The following UNC13C variants were observed in gnomAD, a reference collection of about 807,000 sequenced individuals.
UNC13C encodes unc-13 homolog C, also known as protein unc-13 homolog C.
A neutral mutation model predicts 245.4 loss-of-function variants in UNC13C; 174 were observed. That is an observed-to-expected ratio of 0.71 (90% CI 0.63 to 0.80). UNC13C has a LOEUF of 0.80. Among genes scored for constraint, UNC13C ranks in the 30% least tolerant of loss-of-function variants. The pLI, the probability that UNC13C is intolerant of heterozygous loss-of-function variation, is 0.00. For missense variants in UNC13C, 2,829 were observed against 2,602.9 expected, an observed-to-expected ratio of 1.09 and a Z score of -1.89; for synonymous variants, 992 against 895.1, an observed-to-expected ratio of 1.11 and a Z score of -1.93.
intron 18 of UNC13C, 34 bp downstream of exon 18, chr15:54,393,215 A>C: frequency 6.8e-7 from 1 of 1,469,646 alleles, no homozygotes. Flanking sequence ...AATGGATTTT[A>C]TTCCACTAAA....
At chr15:54,308,190 A>G (rs1316361673) in intron 13 of UNC13C, among the ~76,000 whole-genome samples, 2 of 151,888 alleles carry the variant, frequency 1.3e-5, no homozygotes. Context: ...CTGAACTGGC[A>G]TGTGAGTTAG....
chr15:53,983,780 T>C (rs1177878112), intron 1 of UNC13C, among the ~76,000 whole-genome samples: 1 of 151,988 alleles, frequency 6.6e-6, no homozygotes, highest in Non-Finnish European at 1.5e-5. Context: ...GGATTTCCAC[T>C]AACATGTCTC....
chr15:54,014,764 A>T lies in UNC13C; in HGVS notation c.1861A>T (p.Asn621Tyr), dbSNP rs1160170478. 6.2e-7 allele frequency: 1 copy of T among 1,613,768 alleles called. No homozygotes were observed. The highest frequency in any genetic ancestry group is 2.2e-5 in the East Asian group (1 of 44,888). ...TATCCAAGGGCAGACTGAAACTGAA[A>T]ACACAGAAACTGTGGATAGTGGAAT... ...QGIQGQTETE[N>Y]TETVDSGMSN... Residue 621 changes from asparagine (N) to tyrosine (Y), a missense_variant, in exon 2 of 33, where the codon AAC (asparagine) becomes TAC (tyrosine). Transcript: ENST00000260323.
At chr15:54,462,694 G>T (rs1170121500) in intron 19 of UNC13C, among the ~76,000 whole-genome samples, 1 of 152,230 alleles carries the variant, frequency 6.6e-6, no homozygotes, top group African/African-American at 2.4e-5. Context: ...CTCCCCAGGG[G>T]CAGGGCTTGG....
At chr15:54,585,638 TCTC>T (rs1029613836) in intron 30 of UNC13C, among the ~76,000 whole-genome samples, 10 of 151,938 alleles carry the variant, frequency 6.6e-5, no homozygotes, top group African/African-American at 2.2e-4. Flanking sequence ...GAAAACATAA[TCTC>T]CTCCTAACCC....
intron 4 of UNC13C, among the ~76,000 whole-genome samples, chr15:54,171,424 A>G (rs2033393851): frequency 6.6e-6 from 1 of 151,176 alleles, no homozygotes; most frequent in Admixed American, 6.6e-5. Context: ...TAATAATCCG[A>G]TTAAAAAAAT....
intron 10 of UNC13C, among the ~76,000 whole-genome samples, chr15:54,277,813 T>C (rs566831469): frequency 4.6e-5 from 7 of 152,164 alleles, no homozygotes; most frequent in South Asian, 2.1e-4. Flanking sequence ...ACCAAATGAT[T>C]TGAACCCAAT....
the UNC13C span, among the ~76,000 whole-genome samples, chr15:53,859,643 C>CAA: frequency 6.6e-6 from 1 of 151,892 alleles, no homozygotes; most frequent in African/African-American, 2.4e-5. Flanking sequence ...CACACACACA[C>CAA]ACTCATATTT....
chr15:53,899,777 G>A, the UNC13C span, among the ~76,000 whole-genome samples: 1 of 152,084 alleles, frequency 6.6e-6, no homozygotes, highest in Admixed American at 6.5e-5. Context: ...TGGTCAAGCT[G>A]GTCTCAAACT....
At chr15:54,553,345 TTGTAATATATAA>T (rs919807249) in intron 28 of UNC13C, among the ~76,000 whole-genome samples, 4 of 123,784 alleles carry the variant, frequency 3.2e-5, no homozygotes, top group Non-Finnish European at 6.4e-5. Context: ...ATTGAATATA[TTGTAATATATAA>T]TATAATATAT....
Position 54,491,358 on chromosome 15 carries a change from GA to G in UNC13C, c.4934-3241del, listed in dbSNP as rs550133521. ...AACATATCCTAACTTCCTACCAAAG[GA>G]AAAAAAAACCTTCATATCAACATGA... On this transcript the variant is annotated intron_variant, in intron 19 of 32. Transcript: ENST00000260323. 2.0e-5 allele frequency among the ~76,000 whole-genome samples: 3 copies of G among 151,192 alleles called. No homozygotes were observed. The South Asian group carries it at 6.3e-4, about 32-fold the overall frequency.
chr15:54,583,954 C>G (rs550799302), intron 30 of UNC13C, among the ~76,000 whole-genome samples: 1 of 152,304 alleles, frequency 6.6e-6, no homozygotes, highest in East Asian at 1.9e-4. Flanking sequence ...AGCTCCAGGC[C>G]CTAACTGTGC....
intron 8 of UNC13C, among the ~76,000 whole-genome samples, chr15:54,255,816 T>G (rs935108676): frequency 5.9e-5 from 9 of 152,212 alleles, no homozygotes; most frequent in Non-Finnish European, 1.2e-4. Context: ...CCCTTCCATA[T>G]CGCTACCACC....
chr15:53,923,168 T>C, the UNC13C span, among the ~76,000 whole-genome samples: 1 of 152,362 alleles, frequency 6.6e-6, no homozygotes, highest in South Asian at 2.1e-4. Flanking sequence ...TCAAATGACA[T>C]AATTTCTGCA....
At chr15:54,010,376 G>T (rs1895328429) in intron 1 of UNC13C, among the ~76,000 whole-genome samples, 1 of 152,178 alleles carries the variant, frequency 6.6e-6, no homozygotes, top group Non-Finnish European at 1.5e-5. Context: ...CACAGAGGAG[G>T]AAGTGCTGTA....
chr15:54,185,210 T>C (rs1355588270), intron 4 of UNC13C, among the ~76,000 whole-genome samples: 1 of 151,974 alleles, frequency 6.6e-6, no homozygotes, highest in East Asian at 1.9e-4. Context: ...TTTTCTCCCA[T>C]TCTGTAGGTT....
intron 8 of UNC13C, among the ~76,000 whole-genome samples, chr15:54,259,169 A>G (rs1048867863): frequency 6.6e-6 from 1 of 152,210 alleles, no homozygotes; most frequent in Non-Finnish European, 1.5e-5. Context: ...ATCTTTTAAC[A>G]TTATCACATC....
intron 4 of UNC13C, among the ~76,000 whole-genome samples, chr15:54,174,177 CTTTG>C (rs1489627529): frequency 3.3e-5 from 5 of 152,020 alleles, no homozygotes; most frequent in South Asian, 4.1e-4. Context: ...CTATTAGTAT[CTTTG>C]TTTGGGTTTA....
chr15:54,302,703 G>GTGA, intron 13 of UNC13C, among the ~76,000 whole-genome samples: 1 of 151,934 alleles, frequency 6.6e-6, no homozygotes, highest in East Asian at 1.9e-4. Context: ...GTCAGGTAAT[G>GTGA]TGATGTGTCC....
Sources: allele counts gnomAD v4.1 joint callset (sites outside exome capture counted in the v4.1 genomes callset), GRCh38; gene constraint gnomAD v4.1.1; transcripts MANE v1.5; gene names NCBI Gene and HGNC (gene_info 2026-07-23, HGNC 2026-07-21).